Variants in ARID3A observed in about 807,000 individuals in gnomAD.
ARID3A encodes AT-rich interaction domain 3A.
In ARID3A, 11 loss-of-function variants were observed where a neutral mutation model predicts 52.7. That is an observed-to-expected ratio of 0.21 (90% CI 0.13 to 0.35). The LOEUF is 0.35. Among genes scored for constraint, ARID3A ranks in the 10% least tolerant of loss-of-function variants. ARID3A has a pLI of 1.00. For synonymous variants in ARID3A, 404 were observed against 359.4 expected (o/e 1.12, Z -1.40); for missense variants, 721 against 838.5 (o/e 0.86, Z 1.73).
intron 4 of ARID3A, among the ~76,000 whole-genome samples, chr19:961,352 C>A (rs1001486436): frequency 6.6e-6 from 1 of 152,226 alleles, no homozygotes; most frequent in Admixed American, 6.5e-5. Flanking sequence ...CAGCGGCCTC[C>A]GAGTTAACCC....
intron 8 of ARID3A, among the ~76,000 whole-genome samples, chr19:970,871 G>T (rs1032774803): frequency 6.6e-6 from 1 of 152,124 alleles, no homozygotes; most frequent in African/African-American, 2.4e-5. Context: ...GCAGGCCCCC[G>T]CCCGGCTGTG....
Position 942,489 on chromosome 19 carries a change from C to G in ARID3A, c.693+9747C>G, listed in dbSNP as rs545881906. 6.6e-6 allele frequency among the ~76,000 whole-genome samples: 1 copy of G among 152,230 alleles called. No individual in the cohort carries two copies. Among genetic ancestry groups the G allele is most frequent in the Admixed American group, 6.5e-5 (1 of 15,290 alleles). ...GCGGACCGCCTCTTCTCCGCTCTGC[C>G]GGCTGCACATGGCCAGAGGACAATT... is the stretch of plus-strand genomic sequence containing the variant. On this transcript the variant is annotated intron_variant, in intron 3 of 8. Transcript: ENST00000263620. The surrounding 1 kb of genome is among the most constrained non-coding windows in gnomAD (Gnocchi z 8.1).
chr19:962,104 C>T (rs2038053747), intron 4 of ARID3A, among the ~76,000 whole-genome samples: 1 of 152,146 alleles, frequency 6.6e-6, no homozygotes, highest in Non-Finnish European at 1.5e-5. Context: ...CTCCCTCTTC[C>T]TTGGCTTCCT....
chr19:950,578 G>C (rs1326173293), intron 3 of ARID3A, among the ~76,000 whole-genome samples: 1 of 152,198 alleles, frequency 6.6e-6, no homozygotes, highest in East Asian at 1.9e-4. Context: ...GGGACCGGCA[G>C]GCAGGCAGGG....
intron 3 of ARID3A, among the ~76,000 whole-genome samples, chr19:949,715 C>T (rs1160321829): frequency 4.4e-5 from 6 of 134,992 alleles, no homozygotes; most frequent in Non-Finnish European, 7.6e-5. Flanking sequence ...CTCGCTCTGT[C>T]GCCCAGGCTG....
At chr19:949,987 G>A (rs1056223073) in intron 3 of ARID3A, among the ~76,000 whole-genome samples, 14 of 152,138 alleles carry the variant, frequency 9.2e-5, no homozygotes, top group Non-Finnish European at 1.6e-4. Context: ...TTGCCTTGAT[G>A]GGTGGGAGGT....
Position 960,288 on chromosome 19 carries a change from T to G in ARID3A, c.766+124T>G. ...CCCCGTGGCTGGAGGCATCCAAGGC[T>G]CCTAAATCGGGAGGGACTTCAGGGG... is the stretch of plus-strand genomic sequence containing the variant. On this transcript the variant is annotated intron_variant, in intron 4 of 8. Coordinates refer to ENST00000263620, the MANE Select transcript of ARID3A (RefSeq NM_005224.3). This position sits in a 1 kb window ranked among gnomAD's most constrained non-coding sequence, Gnocchi z 4.3. The G allele has an allele frequency of 1.2e-6, 1 of 814,020 alleles. No homozygotes were observed. 50.4% of individuals were successfully genotyped at this position (814,020 alleles called of 1,614,324 possible). A position where few individuals can be genotyped will look rare whatever the true frequency, so the allele number is the denominator to read the frequency against.
intron 1 of ARID3A, among the ~76,000 whole-genome samples, chr19:927,151 G>C (rs1178655572): frequency 6.6e-6 from 1 of 152,068 alleles, no homozygotes; most frequent in Non-Finnish European, 1.5e-5. Context: ...GGCCCGCGCC[G>C]AGCGGGTGAC....
At chr19:957,088 C>G (rs777556280) in intron 3 of ARID3A, among the ~76,000 whole-genome samples, 2 of 138,808 alleles carry the variant, frequency 1.4e-5, no homozygotes, top group Non-Finnish European at 3.1e-5. Context: ...GGCTTTCCCC[C>G]ACCCTGCCCG....
intron 2 of ARID3A, among the ~76,000 whole-genome samples, chr19:930,796 A>G (rs1046919770): frequency 2.0e-5 from 3 of 149,420 alleles, no homozygotes; most frequent in Admixed American, 6.7e-5. Flanking sequence ...GGCGTGAGCC[A>G]CCACACCCGG....
Position 954,134 on chromosome 19 carries a change from A to G in ARID3A, c.694-5958A>G, listed in dbSNP as rs543513517. On this transcript the variant is annotated intron_variant, in intron 3 of 8. Transcript: ENST00000263620. ...CAGGAGGGTGCTGGGGGGCCCTGGG[A>G]GGCTGTGGCCGAGGGAGGGTCATGC... Among the ~76,000 whole-genome samples the G allele has an allele frequency of 2.7e-3, 408 of 151,898 alleles. 3 individuals carry two copies. The highest frequency in any genetic ancestry group is 9.3e-3 in the African/African-American group (386 of 41,424).
intron 3 of ARID3A, among the ~76,000 whole-genome samples, chr19:939,618 G>A (rs186713651): frequency 6.6e-5 from 10 of 152,028 alleles, no homozygotes; most frequent in Admixed American, 5.9e-4. Context: ...CGGGCAGGTC[G>A]GGAGGTTCCT....
chr19:931,968 A>G (rs2145353693), intron 2 of ARID3A, among the ~76,000 whole-genome samples: 1 of 149,624 alleles, frequency 6.7e-6, no homozygotes, highest in African/African-American at 2.4e-5. Context: ...TGCATGGTGC[A>G]GGATGCAGGA....
At chr19:939,883 C>T (rs1055227777) in intron 3 of ARID3A, among the ~76,000 whole-genome samples, 6 of 152,032 alleles carry the variant, frequency 3.9e-5, no homozygotes, top group Non-Finnish European at 7.4e-5. Flanking sequence ...CTGGGAGAAT[C>T]GGCAACACGT....
At chr19:956,226 T>C (rs1410155392) in intron 3 of ARID3A, among the ~76,000 whole-genome samples, 1 of 152,134 alleles carries the variant, frequency 6.6e-6, no homozygotes, top group Non-Finnish European at 1.5e-5. Context: ...CCTCAGGCGT[T>C]TCCCTGGCAA....
intron 3 of ARID3A, among the ~76,000 whole-genome samples, chr19:955,864 T>C (rs2037905968): frequency 6.6e-6 from 1 of 152,088 alleles, no homozygotes; most frequent in African/African-American, 2.4e-5. Context: ...ACCGCGGGCG[T>C]AAAACAAACG....
chr19:933,100 T>C (rs764410475), intron 3 of ARID3A, among the ~76,000 whole-genome samples: 3 of 151,924 alleles, frequency 2.0e-5, no homozygotes, highest in Admixed American at 6.5e-5. Context: ...CTGCGGGCGA[T>C]GCGGGCAGAG....
Position 929,453 on chromosome 19 carries a change from GCC to G in ARID3A, c.-75_-74del. 5.7e-5 allele frequency: 76 copies of G among 1,321,818 alleles called. No homozygotes were observed. Among genetic ancestry groups the G allele is most frequent in the Middle Eastern group, 2.9e-4 (1 of 3,400 alleles). The allele number at this position is 1,321,818 out of a possible 1,614,324, so 81.9% of individuals were successfully genotyped here. A position where few individuals can be genotyped will look rare whatever the true frequency, so the allele number is the denominator to read the frequency against. On this transcript the variant is annotated 5_prime_UTR_variant, in exon 2 of 9. Coordinates refer to ENST00000263620, the MANE Select transcript of ARID3A (RefSeq NM_005224.3). The surrounding 1 kb of genome is among the most constrained non-coding windows in gnomAD (Gnocchi z 6.2). ...GCGGCCGGGCCCCCTCCCCGCAGGG[GCC>G]GCCCCCGCCGCCCACCCCTAGCGCC...
chr19:967,736 G>A (rs1599428195), intron 7 of ARID3A, among the ~76,000 whole-genome samples: 1 of 152,284 alleles, frequency 6.6e-6, no homozygotes, highest in East Asian at 1.9e-4. Flanking sequence ...TGTCACAGGT[G>A]TCTTTATGAT....
Sources: gnomAD v4.1 joint callset for allele counts (sites outside exome capture counted in the v4.1 genomes callset) on GRCh38, gnomAD v4.1.1 for gene constraint, Gnocchi (gnomAD v3.1) non-coding constraint, MANE v1.5 for transcripts, NCBI Gene and HGNC (gene_info 2026-07-23, HGNC 2026-07-21) for gene names.